The following DLGAP1 variants were observed in gnomAD, a reference collection of about 807,000 sequenced individuals.
The protein encoded by DLGAP1 is DLG associated protein 1.
In DLGAP1, 11 loss-of-function variants were observed where a neutral mutation model predicts 90.8. The observed-to-expected ratio is 0.12, with a 90% CI of 0.08 to 0.20. DLGAP1 has a LOEUF of 0.20. DLGAP1 is among the 10% of genes least tolerant of loss of function. The pLI, the probability that DLGAP1 is intolerant of heterozygous loss-of-function variation, is 1.00. For synonymous variants in DLGAP1, 558 were observed against 540.7 expected (o/e 1.03, Z -0.44); for missense variants, 1,050 against 1,333.8 (o/e 0.79, Z 3.31).
intron 1 of DLGAP1, among the ~76,000 whole-genome samples, chr18:4,160,262 C>T (rs1001305769): frequency 2.0e-5 from 3 of 152,170 alleles, no homozygotes; most frequent in Non-Finnish European, 4.4e-5. Flanking sequence ...CCATGTCTTA[C>T]ATTTGCAAGG....
intron 1 of DLGAP1, among the ~76,000 whole-genome samples, chr18:4,284,312 G>A (rs960095305): frequency 1.3e-5 from 2 of 151,692 alleles, no homozygotes; most frequent in Admixed American, 6.6e-5. Context: ...GAAAGTACAA[G>A]CCGAACACAG....
rs71160925 is a variant in DLGAP1 at position 3,958,460 on chromosome 18, C to CAA, written c.-73+46654_-73+46655dup. Among the ~76,000 whole-genome samples, 610 of 97,148 alleles carry CAA rather than the reference C, an allele frequency of 6.3e-3. 5 individuals are homozygous for CAA. The highest frequency in any genetic ancestry group is 0.02 in the African/African-American group (509 of 25,400). The allele number at this position is 97,148 out of a possible 152,430, so 63.7% of individuals were successfully genotyped here. A position where few individuals can be genotyped will look rare whatever the true frequency, so the allele number is the denominator to read the frequency against. ...AAGAGAGATTGCAAATTAGGATAAG[C>CAA]AAAAAAAAAAAAAAAAAAAGAGGAC... On this transcript the variant is annotated intron_variant, in intron 3 of 12. Transcript: ENST00000315677.
At chr18:3,964,391 A>C (rs1432000943) in intron 3 of DLGAP1, among the ~76,000 whole-genome samples, 1 of 152,194 alleles carries the variant, frequency 6.6e-6, no homozygotes, top group Non-Finnish European at 1.5e-5. Flanking sequence ...AGGAGAAAAG[A>C]GTCTGCGTGA....
Position 3,499,183 on chromosome 18 carries a change from G to A in DLGAP1, c.*2C>T, listed in dbSNP as rs761208348. ...GGCGGCGGCGGCCGGGCTGCGGGGC[G>A]CTCAGAGCCGGGTCTGCGCCTCGGG... On this transcript the variant is annotated 3_prime_UTR_variant, in exon 13 of 13. Coordinates refer to ENST00000315677, the MANE Select transcript of DLGAP1 (RefSeq NM_004746.4). This position sits in a 1 kb window ranked among gnomAD's most constrained non-coding sequence, Gnocchi z 6.4. 2.6e-6 allele frequency: 4 copies of A among 1,566,390 alleles called. No homozygotes were observed. Among genetic ancestry groups the A allele is most frequent in the Non-Finnish European group, 8.6e-7 (1 of 1,162,516 alleles).
intron 7 of DLGAP1, among the ~76,000 whole-genome samples, chr18:3,627,925 C>T (rs1410610973): frequency 1.0e-4 from 14 of 136,986 alleles, no homozygotes; most frequent in South Asian, 7.0e-4. Flanking sequence ...TTGTCCAGGC[C>T]GGAGTGCAAT....
At position 3,989,019 on chromosome 18, in the gene DLGAP1, C is replaced by T. The variant is rs188489365; in HGVS notation, c.-73+16097G>A. ...GAGGTTATGGCAGGCATCACAGGCC[C>T]GGCTGCTCCCTCCTGCCTCCACTGC... On this transcript the variant is annotated intron_variant, in intron 3 of 12. Coordinates refer to ENST00000315677, the MANE Select transcript of DLGAP1 (RefSeq NM_004746.4). 3.9e-5 allele frequency among the ~76,000 whole-genome samples: 6 copies of T among 152,292 alleles called. No individual in the cohort carries two copies. The East Asian group carries it at 7.7e-4, about 20-fold the overall frequency.
At chr18:4,250,361 C>T (rs1276886187) in intron 1 of DLGAP1, among the ~76,000 whole-genome samples, 1 of 152,166 alleles carries the variant, frequency 6.6e-6, no homozygotes, top group East Asian at 1.9e-4. Flanking sequence ...ACAGCTGTCA[C>T]CTCCTTGAGT....
intron 1 of DLGAP1, among the ~76,000 whole-genome samples, chr18:4,220,114 G>A (rs1380432136): frequency 6.6e-6 from 1 of 152,060 alleles, no homozygotes; most frequent in Non-Finnish European, 1.5e-5. Flanking sequence ...TGTGAACACA[G>A]AATACCTTTC....
At chr18:3,748,634 G>A (rs1191165741) in intron 5 of DLGAP1, among the ~76,000 whole-genome samples, 1 of 152,164 alleles carries the variant, frequency 6.6e-6, no homozygotes, top group Non-Finnish European at 1.5e-5. Flanking sequence ...TAACTTCATT[G>A]TATTTCAAAA....
chr18:3,785,141 G>A (rs1477242898), intron 5 of DLGAP1, among the ~76,000 whole-genome samples: 1 of 152,254 alleles, frequency 6.6e-6, no homozygotes, highest in Non-Finnish European at 1.5e-5. Flanking sequence ...TTGAAGAACA[G>A]GCTGTATTAG....
At chr18:3,896,920 C>A (rs2148870911) in intron 3 of DLGAP1, 1 of 152,440 alleles carries the variant, frequency 6.6e-6, no homozygotes, top group South Asian at 2.1e-4. Context: ...GAGGGTTACA[C>A]AAAGAGGTTA....
At chr18:4,099,263 T>C (rs979804921) in intron 2 of DLGAP1, among the ~76,000 whole-genome samples, 3 of 146,748 alleles carry the variant, frequency 2.0e-5, no homozygotes, top group Non-Finnish European at 4.5e-5. Context: ...TGTCTGTCTG[T>C]CTGTCTGTCT....
At position 3,585,306 on chromosome 18, in the gene DLGAP1, G is replaced by A. The variant is rs74977058; in HGVS notation, c.1592-3058C>T. On this transcript the variant is annotated intron_variant, in intron 7 of 12. Transcript: ENST00000315677. ...TAGTTTCTTGCATCCAAACCATGGT[G>A]GAGCTCTGGTTCCCAGAGAGGCATG... Among the ~76,000 whole-genome samples, 260 of 152,330 alleles carry A rather than the reference G, an allele frequency of 1.7e-3. 1 individual carries two copies. The highest frequency in any genetic ancestry group is 5.9e-3 in the African/African-American group (246 of 41,570).
rs77690462 is a variant in DLGAP1 at position 4,129,503 on chromosome 18, T to A, written c.-159+21677A>T. On this transcript the variant is annotated intron_variant, in intron 2 of 12. Coordinates refer to ENST00000315677, the MANE Select transcript of DLGAP1 (RefSeq NM_004746.4). Reference sequence around the variant, plus strand: ...TCGTGGTGCGTCATAGAATGAAACTTGTCAGAAGCACTGGTTCATCATCCT... The same window carrying A: ...TCGTGGTGCGTCATAGAATGAAACTAGTCAGAAGCACTGGTTCATCATCCT... 9.9e-3 allele frequency among the ~76,000 whole-genome samples: 1,513 copies of A among 152,266 alleles called. 15 individuals carry two copies. The highest frequency in any genetic ancestry group is 0.024 in the Middle Eastern group (7 of 294).
chr18:3,535,535 G>C (rs1042520079), intron 9 of DLGAP1, among the ~76,000 whole-genome samples: 2 of 151,044 alleles, frequency 1.3e-5, no homozygotes, highest in Non-Finnish European at 2.9e-5. Context: ...GTGAAACCCC[G>C]TATCTACCAA....
At chr18:4,228,845 G>A (rs955377806) in intron 1 of DLGAP1, among the ~76,000 whole-genome samples, 1 of 151,542 alleles carries the variant, frequency 6.6e-6, no homozygotes, top group African/African-American at 2.4e-5. Flanking sequence ...AGCTAGGGCA[G>A]TCAACAAAAA....
At chr18:3,952,706 T>C (rs1438153646) in intron 3 of DLGAP1, among the ~76,000 whole-genome samples, 1 of 152,258 alleles carries the variant, frequency 6.6e-6, no homozygotes, top group East Asian at 1.9e-4. Flanking sequence ...GAGATTATCT[T>C]GCATAAAGAA....
chr18:3,709,896 T>C (rs1363927910), intron 7 of DLGAP1, among the ~76,000 whole-genome samples: 1 of 152,200 alleles, frequency 6.6e-6, no homozygotes, highest in Admixed American at 6.5e-5. Context: ...GGGTATGATC[T>C]CCTGCCTCTG....
chr18:4,368,917 C>G (rs908414891), intron 1 of DLGAP1, among the ~76,000 whole-genome samples: 5 of 152,124 alleles, frequency 3.3e-5, no homozygotes, highest in African/African-American at 1.2e-4. Flanking sequence ...CAATATTTCT[C>G]CCATTCCTTC....
Sources: allele counts gnomAD v4.1 joint callset (sites outside exome capture counted in the v4.1 genomes callset), GRCh38; gene constraint gnomAD v4.1.1; non-coding constraint Gnocchi (gnomAD v3.1); transcripts MANE v1.5; gene names NCBI Gene and HGNC (gene_info 2026-07-23, HGNC 2026-07-21).